Variants in PCDH15 observed in about 807,000 individuals in gnomAD.
PCDH15 encodes protocadherin-15.
Under a neutral mutation model 178.5 loss-of-function variants are expected in PCDH15, and 129 were observed. The ratio of observed to expected loss-of-function variants is 0.72; its 90% CI spans 0.63 to 0.84. The LOEUF (loss-of-function observed/expected upper bound fraction) is 0.84. Ranked by LOEUF, PCDH15 falls within the 40% of genes least tolerant of loss-of-function variation. PCDH15 has a pLI of 0.00. For missense variants in PCDH15, 2,230 were observed against 2,099.9 expected (o/e 1.06, Z -1.21); for synonymous variants, 800 against 732.0 (o/e 1.09, Z -1.50).
At chr10:54,712,264 TA>T (rs2095434708) in intron 1 of PCDH15, among the ~76,000 whole-genome samples, 1 of 151,932 alleles carries the variant, frequency 6.6e-6, no homozygotes, top group African/African-American at 2.4e-5. Context: ...ATTGGGTAGT[TA>T]GGCTAAAAGA....
chr10:54,990,862 T>C (rs1365983506), intron 2 of PCDH15, among the ~76,000 whole-genome samples: 1 of 152,168 alleles, frequency 6.6e-6, no homozygotes, highest in Non-Finnish European at 1.5e-5. Flanking sequence ...ATAATAATAC[T>C]GTTTTAGTTT....
At chr10:53,887,301 T>C (rs1481394694) in intron 26 of PCDH15, among the ~76,000 whole-genome samples, 3 of 152,166 alleles carry the variant, frequency 2.0e-5, no homozygotes. Context: ...CGAGAATTCC[T>C]TAACATTAAG....
intron 2 of PCDH15, among the ~76,000 whole-genome samples, chr10:54,630,459 T>C (rs73249298): frequency 6.6e-6 from 1 of 152,146 alleles, no homozygotes; most frequent in Non-Finnish European, 1.5e-5. Flanking sequence ...TGGCTAGCCA[T>C]ATGCAGAAGA....
intron 18 of PCDH15, among the ~76,000 whole-genome samples, chr10:54,023,688 G>C (rs2092998722): frequency 8.5e-6 from 1 of 117,414 alleles, no homozygotes; most frequent in Non-Finnish European, 2.0e-5. Context: ...TGTTATTTAT[G>C]TGATAATGTT....
intron 15 of PCDH15, among the ~76,000 whole-genome samples, chr10:54,113,278 C>A (rs1355935438): frequency 6.6e-6 from 1 of 152,112 alleles, no homozygotes; most frequent in Non-Finnish European, 1.5e-5. Context: ...AGTACAGAGG[C>A]AGATACTATA....
intron 3 of PCDH15, among the ~76,000 whole-genome samples, chr10:54,495,480 G>A (rs758234315): frequency 6.6e-6 from 1 of 152,088 alleles, no homozygotes; most frequent in Non-Finnish European, 1.5e-5. Context: ...AATAAGTACT[G>A]AATAAACAAT....
At chr10:54,479,152 C>T (rs2078505717) in intron 3 of PCDH15, among the ~76,000 whole-genome samples, 1 of 151,614 alleles carries the variant, frequency 6.6e-6, no homozygotes, top group Non-Finnish European at 1.5e-5. Flanking sequence ...AAGAGAAATG[C>T]CTTCTATATT....
chr10:54,028,344 T>A (rs1387640445), intron 18 of PCDH15, among the ~76,000 whole-genome samples: 8 of 148,534 alleles, frequency 5.4e-5, no homozygotes. Flanking sequence ...TTGGTGGGAC[T>A]GTAAACTAGT....
intron 3 of PCDH15, among the ~76,000 whole-genome samples, chr10:54,823,073 G>T (rs369327583): frequency 6.6e-6 from 1 of 151,776 alleles, no homozygotes; most frequent in Admixed American, 6.6e-5. Flanking sequence ...CTAGAGACGG[G>T]GTTTCACCAT....
At chr10:53,904,834 A>C (rs1372505606) in intron 25 of PCDH15, among the ~76,000 whole-genome samples, 1 of 152,204 alleles carries the variant, frequency 6.6e-6, no homozygotes, top group Non-Finnish European at 1.5e-5. Context: ...AAGGAATTTT[A>C]GAATATGTCA....
Position 53,938,618 on chromosome 10 carries a change from C to T in PCDH15, c.3373+197G>A, listed in dbSNP as rs2085778585. On this transcript the variant is annotated intron_variant, in intron 25 of 37. Coordinates refer to ENST00000644397, the MANE Select transcript of PCDH15 (RefSeq NM_001384140.1). ...ATTTGAAAACGGTGTTTTATTATCT[C>T]GACATTTCAGGAGTATGAAATCACT... Among the ~76,000 whole-genome samples, 2 of 151,942 alleles carry T rather than the reference C, an allele frequency of 1.3e-5. 1 individual carries two copies. Among genetic ancestry groups the T allele is most frequent in the African/African-American group, 4.8e-5 (2 of 41,378 alleles).
At chr10:54,819,532 A>G (rs1386072760) in intron 3 of PCDH15, among the ~76,000 whole-genome samples, 1 of 151,936 alleles carries the variant, frequency 6.6e-6, no homozygotes, top group African/African-American at 2.4e-5. Context: ...TTTCTTATTG[A>G]TATCTTATTA....
At chr10:55,111,231 A>T (rs1837493387) in intron 2 of PCDH15, among the ~76,000 whole-genome samples, 1 of 152,198 alleles carries the variant, frequency 6.6e-6, no homozygotes, top group African/African-American at 2.4e-5. Flanking sequence ...TTAATTAATC[A>T]TTTATTAAGG....
At chr10:53,826,715 T>C (rs988965620) in intron 32 of PCDH15, among the ~76,000 whole-genome samples, 1 of 152,094 alleles carries the variant, frequency 6.6e-6, no homozygotes, top group South Asian at 2.1e-4. Context: ...CTTTCAAAAA[T>C]GTATGATTTT....
At chr10:54,406,665 A>C (rs1364014942) in intron 3 of PCDH15, among the ~76,000 whole-genome samples, 2 of 152,128 alleles carry the variant, frequency 1.3e-5, no homozygotes, top group African/African-American at 4.8e-5. Flanking sequence ...GGATCAGGAA[A>C]AACCTTTGTA....
intron 18 of PCDH15, among the ~76,000 whole-genome samples, chr10:54,039,734 A>G (rs2093498347): frequency 6.6e-6 from 1 of 152,004 alleles, no homozygotes; most frequent in African/African-American, 2.4e-5. Context: ...AAAATTGAGG[A>G]AAACTCCACT....
In PCDH15 at chr10:54,242,138, A is replaced by ATG. The variant is rs1359043802; in HGVS notation, c.877-5208_877-5207insCA. Reference sequence around the variant, plus strand: ...TGGTCTGAATTCTATTTTTATATATATATATATATATATATATATATATAT... The same window carrying ATG: ...TGGTCTGAATTCTATTTTTATATATATGTATATATATATATATATATATATAT... On this transcript the variant is annotated intron_variant, in intron 8 of 37. Coordinates refer to ENST00000644397, the MANE Select transcript of PCDH15 (RefSeq NM_001384140.1). Among the ~76,000 whole-genome samples, 12 of 13,184 alleles carry ATG rather than the reference A, an allele frequency of 9.1e-4. 1 individual carries two copies. The highest frequency in any genetic ancestry group is 6.2e-3 in the African/African-American group (12 of 1,938). 8.6% of individuals were successfully genotyped at this position (13,184 alleles called of 152,430 possible). A position where few individuals can be genotyped will look rare whatever the true frequency, so the allele number is the denominator to read the frequency against.
intron 1 of PCDH15, among the ~76,000 whole-genome samples, chr10:54,746,503 T>C (rs1453068145): frequency 6.6e-6 from 1 of 152,174 alleles, no homozygotes; most frequent in Non-Finnish European, 1.5e-5. Context: ...GGATAAGTGC[T>C]TGAGGTGGTG....
chr10:54,777,318 G>C (rs1949818925), intron 1 of PCDH15, among the ~76,000 whole-genome samples: 2 of 152,146 alleles, frequency 1.3e-5, no homozygotes, highest in Admixed American at 1.3e-4. Flanking sequence ...AGCCATAGTG[G>C]TTCTCTTGAG....
Sources: gnomAD v4.1 joint callset for allele counts (sites outside exome capture counted in the v4.1 genomes callset) on GRCh38, gnomAD v4.1.1 for gene constraint, MANE v1.5 for transcripts, NCBI Gene and HGNC (gene_info 2026-07-23, HGNC 2026-07-21) for gene names.